GSK3B: variants seen among roughly 807,000 people sequenced by gnomAD.
GSK3B encodes the protein glycogen synthase kinase-3 beta.
Under a neutral mutation model 56.4 loss-of-function variants are expected in GSK3B, and 15 were observed. The observed-to-expected ratio is 0.27, with a 90% CI of 0.18 to 0.41. GSK3B has a LOEUF of 0.41. Among genes scored for constraint, GSK3B ranks in the 10% least tolerant of loss-of-function variants. The pLI is 1.00. For synonymous variants in GSK3B, 181 were observed against 188.9 expected, an observed-to-expected ratio of 0.96 and a Z score of 0.34; for missense variants, 300 against 513.4, an observed-to-expected ratio of 0.58 and a Z score of 4.02.
chr3:119,847,349 A>G (rs2108015707), intron 9 of GSK3B, among the ~76,000 whole-genome samples: 1 of 152,252 alleles, frequency 6.6e-6, no homozygotes, highest in South Asian at 2.1e-4. Flanking sequence ...GCGTGGTGGC[A>G]CACACCTGTG....
chr3:120,019,950 G>A (rs1254125870), intron 1 of GSK3B, among the ~76,000 whole-genome samples: 3 of 152,048 alleles, frequency 2.0e-5, no homozygotes, highest in Non-Finnish European at 2.9e-5. Flanking sequence ...GAACCTATTC[G>A]CATTTACATA....
chr3:120,039,638 C>G (rs1459275193), intron 1 of GSK3B, among the ~76,000 whole-genome samples: 1 of 152,192 alleles, frequency 6.6e-6, no homozygotes, highest in Non-Finnish European at 1.5e-5. Flanking sequence ...CTCACCTTCC[C>G]CTTTTCTTAT....
At chr3:120,027,754 C>T (rs900150311) in intron 1 of GSK3B, among the ~76,000 whole-genome samples, 1 of 152,130 alleles carries the variant, frequency 6.6e-6, no homozygotes, top group Non-Finnish European at 1.5e-5. Context: ...AAATGCTACA[C>T]AAACACACCA....
At chr3:120,050,092 G>T (rs2058136086) in intron 1 of GSK3B, among the ~76,000 whole-genome samples, 1 of 152,160 alleles carries the variant, frequency 6.6e-6, no homozygotes, top group Non-Finnish European at 1.5e-5. Flanking sequence ...AAGGGGAAGT[G>T]GTCAGATGTG....
rs2055715891 is a variant in GSK3B at position 119,837,903 on chromosome 3, A to T, written c.1195+5352T>A. 3.4e-5 allele frequency among the ~76,000 whole-genome samples: 5 copies of T among 146,328 alleles called. No individual in the cohort carries two copies. The South Asian group carries it at 1.1e-3, about 31-fold the overall frequency. ...TATTTTATATATAAATATATATTTTATATATATAAATGTTGAACATTTCCT... is the reference window on the plus strand; with the variant it reads ...TATTTTATATATAAATATATATTTTTTATATATAAATGTTGAACATTTCCT... On this transcript the variant is annotated intron_variant, in intron 10 of 10. Transcript: ENST00000264235.
At chr3:119,886,064 T>C (rs1248819061) in intron 7 of GSK3B, among the ~76,000 whole-genome samples, 1 of 152,114 alleles carries the variant, frequency 6.6e-6, no homozygotes, top group Non-Finnish European at 1.5e-5. Context: ...TTAAAGAGTT[T>C]CTGCATAGCA....
chr3:119,882,373 C>T (rs1408339515), intron 7 of GSK3B, among the ~76,000 whole-genome samples: 1 of 151,982 alleles, frequency 6.6e-6, no homozygotes, highest in Non-Finnish European at 1.5e-5. Flanking sequence ...AACATTTTAC[C>T]TAATATTATG....
intron 1 of GSK3B, among the ~76,000 whole-genome samples, chr3:120,030,937 T>C (rs1248518617): frequency 1.3e-5 from 2 of 152,184 alleles, no homozygotes; most frequent in East Asian, 1.9e-4. Flanking sequence ...ATCTGCCCAA[T>C]CTAAATCCAG....
intron 1 of GSK3B, among the ~76,000 whole-genome samples, chr3:120,020,543 A>T (rs2057867896): frequency 6.6e-6 from 1 of 152,188 alleles, no homozygotes; most frequent in Admixed American, 6.5e-5. Flanking sequence ...CAATGAAGGC[A>T]AACTTAATAG....
At chr3:119,920,919 A>G (rs2056834051) in intron 4 of GSK3B, among the ~76,000 whole-genome samples, 1 of 152,230 alleles carries the variant, frequency 6.6e-6, no homozygotes, top group South Asian at 2.1e-4. Flanking sequence ...AAAAAGACCC[A>G]GAAACAATAA....
intron 3 of GSK3B, 135 bp from the exon 4 acceptor site, chr3:119,923,618 T>C (rs1327258534): frequency 2.2e-6 from 1 of 454,714 alleles, no homozygotes; most frequent in Non-Finnish European, 3.9e-6. Context: ...TTTAATTATA[T>C]AAAATTACTT....
At chr3:119,858,971 A>G (rs916949037) in intron 9 of GSK3B, among the ~76,000 whole-genome samples, 1 of 152,106 alleles carries the variant, frequency 6.6e-6, no homozygotes, top group Non-Finnish European at 1.5e-5. Context: ...AAACAATCAC[A>G]ATAGTAACAT....
chr3:120,024,288 T>G (rs530146251), intron 1 of GSK3B, among the ~76,000 whole-genome samples: 1 of 151,988 alleles, frequency 6.6e-6, no homozygotes, highest in Non-Finnish European at 1.5e-5. Flanking sequence ...GTGAGCCATG[T>G]ATGCTCTCCA....
In GSK3B at chr3:120,049,722, G is replaced by A. The variant is rs1350548265; in HGVS notation, c.88+43625C>T. On this transcript the variant is annotated intron_variant, in intron 1 of 10. Coordinates refer to ENST00000264235, the MANE Select transcript of GSK3B (RefSeq NM_001146156.2). ...CTGAATGTTTACCTGGGGTAGGACA[G>A]AAGAATAGACAAGGCTGGAGACAGA... Among the ~76,000 whole-genome samples, 10 of 152,296 alleles carry A rather than the reference G, an allele frequency of 6.6e-5. 1 individual carries two copies. In the South Asian group the frequency reaches 1.9e-3, roughly 28 times the overall value.
chr3:119,923,243 C>A, intron 4 of GSK3B, 130 bp downstream of exon 4: 1 of 495,648 alleles, frequency 2.0e-6, no homozygotes, highest in Non-Finnish European at 3.6e-6. Flanking sequence ...AACAAAGTTC[C>A]AACAATACCT....
chr3:119,886,367 CTAAT>C (rs1274162398), intron 7 of GSK3B, among the ~76,000 whole-genome samples: 1 of 151,838 alleles, frequency 6.6e-6, no homozygotes, highest in African/African-American at 2.4e-5. Flanking sequence ...GTCACAATGG[CTAAT>C]TAAAAAGTAA....
intron 1 of GSK3B, among the ~76,000 whole-genome samples, chr3:120,081,986 G>A (rs2058423356): frequency 6.6e-6 from 1 of 152,112 alleles, no homozygotes; most frequent in South Asian, 2.1e-4. Context: ...ATATGACAAA[G>A]AATATTTGCA....
chr3:119,877,716 T>C (rs1178860070), intron 7 of GSK3B, among the ~76,000 whole-genome samples: 2 of 152,180 alleles, frequency 1.3e-5, no homozygotes, highest in African/African-American at 4.8e-5. Context: ...TACATATTTG[T>C]ATGTCAAAAA....
At chr3:120,003,679 T>C (rs1399053938) in intron 1 of GSK3B, among the ~76,000 whole-genome samples, 2 of 152,340 alleles carry the variant, frequency 1.3e-5, no homozygotes, top group South Asian at 2.1e-4. Context: ...CCAATATTTA[T>C]ATCCATTTAA....
Sources: gnomAD v4.1 joint callset for allele counts (sites outside exome capture counted in the v4.1 genomes callset) on GRCh38, gnomAD v4.1.1 for gene constraint, MANE v1.5 for transcripts, NCBI Gene and HGNC (gene_info 2026-07-23, HGNC 2026-07-21) for gene names.